The following TEAD3 variants were observed in gnomAD, a reference collection of about 807,000 sequenced individuals.
TEAD3 encodes the protein TEA domain transcription factor 3.
TEAD3 carries 15 observed loss-of-function variants against 55.6 expected under a neutral mutation model. That is an observed-to-expected ratio of 0.27 (90% CI 0.18 to 0.42). The LOEUF is 0.42. Ranked by LOEUF, TEAD3 falls within the 10% of genes least tolerant of loss-of-function variation. The probability of loss-of-function intolerance (pLI) is 1.00; values close to 1 mark genes in which losing one functional copy is unlikely to be tolerated. For synonymous variants in TEAD3, 210 were observed against 232.2 expected (o/e 0.90, Z 0.87); for missense variants, 407 against 576.8 (o/e 0.71, Z 3.01).
rs1228026207 is a variant in TEAD3 at position 35,475,508 on chromosome 6, G to A, written c.1042-20C>T. ...CTCAGTCTGCAGAGAATATGGAGAAGGCGTCACTCGGCCTGCCTGCTCCCA... is the reference window on the plus strand; with the variant it reads ...CTCAGTCTGCAGAGAATATGGAGAAAGCGTCACTCGGCCTGCCTGCTCCCA... On this transcript the variant is annotated intron_variant, in intron 11 of 12. Transcript: ENST00000639578. The surrounding 1 kb of genome is among the most constrained non-coding windows in gnomAD (Gnocchi z 5.4). 1.2e-6 allele frequency: 2 copies of A among 1,606,056 alleles called. No individual in the cohort carries two copies. The highest frequency in any genetic ancestry group is 3.3e-5 in the Admixed American group (2 of 59,796).
At position 35,493,337 on chromosome 6, in the gene TEAD3, C is replaced by T. The variant is rs1388841624; in HGVS notation, c.-50+3561G>A. On this transcript the variant is annotated intron_variant, in intron 1 of 12. Transcript: ENST00000639578. ...CACATAGATGCCACACGTCAGGGAC[C>T]ACAGGCCCCCAAAAGCATCCCACAG... is the stretch of plus-strand genomic sequence containing the variant. Among the ~76,000 whole-genome samples the T allele has an allele frequency of 3.3e-5, 5 of 151,794 alleles. No individual in the cohort carries two copies. The East Asian group carries it at 9.7e-4, about 29-fold the overall frequency.
At chr6:35,477,352 G>A (rs779541021) in exon 8 of TEAD3, 2 of 1,603,386 alleles carry the variant, frequency 1.2e-6, no homozygotes, top group Admixed American at 3.3e-5. Flanking sequence ...GGGGTAGGCT[G>A]GCTGTGCAAA....
At chr6:35,478,709 C>A in intron 5 of TEAD3, 138 bp from the exon 6 acceptor site, 1 of 1,170,958 alleles carries the variant, frequency 8.5e-7, no homozygotes, top group Non-Finnish European at 1.2e-6. Flanking sequence ...TGGATTCCAG[C>A]CCCAGCTCTG....
Position 35,484,542 on chromosome 6 carries a change from C to A in TEAD3, c.267+18G>T. On this transcript the variant is annotated intron_variant, in intron 3 of 12. Transcript: ENST00000639578. The surrounding 1 kb of genome is among the most constrained non-coding windows in gnomAD (Gnocchi z 5.8). ...CAGAGTGTGTGGGTGGCAGGCCCAG[C>A]ATAAACCGTCTCTCTACCTGTTTTC... is the stretch of plus-strand genomic sequence containing the variant. 6.3e-7 allele frequency: 1 copy of A among 1,593,772 alleles called. No individual in the cohort carries two copies. Among genetic ancestry groups the A allele is most frequent in the Non-Finnish European group, 8.5e-7 (1 of 1,169,952 alleles).
At chr6:35,474,920 C>T in exon 13 of TEAD3, 1 of 770,086 alleles carries the variant, frequency 1.3e-6, no homozygotes, top group Non-Finnish European at 2.1e-6. Flanking sequence ...GGGAGGCCTC[C>T]TGGGTCCTGG....
exon 9 of TEAD3, chr6:35,476,323 C>T: frequency 6.2e-7 from 1 of 1,612,346 alleles, no homozygotes; most frequent in Non-Finnish European, 8.5e-7. Flanking sequence ...CTCGCTGCAC[C>T]TCCATGAAGG....
rs1299708015 is a variant in TEAD3 at position 35,496,976 on chromosome 6, G to C, written c.-128C>G. The C allele has an allele frequency of 6.6e-6, 1 of 152,072 alleles. No individual in the cohort carries two copies. The highest frequency in any genetic ancestry group is 1.9e-4 in the East Asian group (1 of 5,178). 9.4% of individuals were successfully genotyped at this position (152,072 alleles called of 1,614,324 possible). ...GAGCCGCAAGGGGGGCCGGGGAAGG[G>C]GGGTCGTGGGGAGGGGGCTGGCCGG... On this transcript the variant is annotated 5_prime_UTR_variant, in exon 1 of 13. Transcript: ENST00000639578. This position sits in a 1 kb window ranked among gnomAD's most constrained non-coding sequence, Gnocchi z 4.8.
downstream of TEAD3, chr6:35,473,797 G>A (rs948050169): frequency 3.3e-5 from 5 of 152,330 alleles, no homozygotes; most frequent in African/African-American, 9.7e-5. Context: ...TGGCCTGAGC[G>A]ATATGCAAAC....
At chr6:35,493,754 C>T (rs551623235) in intron 1 of TEAD3, among the ~76,000 whole-genome samples, 17 of 152,364 alleles carry the variant, frequency 1.1e-4, no homozygotes, top group Middle Eastern at 3.4e-3. Flanking sequence ...GCCACTCATC[C>T]GGCTTCTCAC....
rs568870794 is a variant in TEAD3 at position 35,480,437 on chromosome 6, G to A, written c.268-315C>T. On this transcript the variant is annotated intron_variant, in intron 3 of 12. Transcript: ENST00000639578. ...TAGACAGTGAGGAGGCACAGCCATG[G>A]GGTGGCCGCGGGCAAGGAGCATCCC... The A allele has an allele frequency of 3.2e-6, 5 of 1,572,088 alleles. No homozygotes were observed. In the East Asian group the frequency reaches 1.1e-4, roughly 36 times the overall value.
rs1463138999 is a variant in TEAD3 at position 35,496,344 on chromosome 6, G to C, written c.-50+554C>G. 1.3e-5 allele frequency among the ~76,000 whole-genome samples: 2 copies of C among 152,172 alleles called. No individual in the cohort carries two copies. The highest frequency in any genetic ancestry group is 2.9e-5 in the Non-Finnish European group (2 of 68,018). ...CCTGCCTCTCAGGGGACACACGGCCGGGGCGCGCGGCTTTGGTCCCAGACA... is the reference window on the plus strand; with the variant it reads ...CCTGCCTCTCAGGGGACACACGGCCCGGGCGCGCGGCTTTGGTCCCAGACA... On this transcript the variant is annotated intron_variant, in intron 1 of 12. Transcript: ENST00000639578. The surrounding 1 kb of genome is among the most constrained non-coding windows in gnomAD (Gnocchi z 4.8).
rs529876765 is a variant in TEAD3 at position 35,491,047 on chromosome 6, T to C, written c.-49-4336A>G. On this transcript the variant is annotated intron_variant, in intron 1 of 12. Transcript: ENST00000639578. This position sits in a 1 kb window ranked among gnomAD's most constrained non-coding sequence, Gnocchi z 4.4. ...GACAGGAGGGGCAGGGGAGACAGGCTGGGGGAGAGTCTGGGGCAAAGAGAA... is the reference window on the plus strand; with the variant it reads ...GACAGGAGGGGCAGGGGAGACAGGCCGGGGGAGAGTCTGGGGCAAAGAGAA... Among the ~76,000 whole-genome samples, 1 of 145,356 alleles carries C rather than the reference T, an allele frequency of 6.9e-6. No homozygotes were observed. The highest frequency in any genetic ancestry group is 6.8e-5 in the Admixed American group (1 of 14,630).
At position 35,476,111 on chromosome 6, in the gene TEAD3, C is replaced by G. The variant is rs1203255634; in HGVS notation, c.727-19G>C. 6 of 1,535,836 alleles carry G rather than the reference C, an allele frequency of 3.9e-6. No homozygotes were observed. The highest frequency in any genetic ancestry group is 5.3e-6 in the Non-Finnish European group (6 of 1,140,338). ...TGCTGTACTGTGGGGAGGGCCCAGA[C>G]AGGGTCAGGAGAGTACTCAGGCTTG... is the stretch of plus-strand genomic sequence containing the variant. On this transcript the variant is annotated intron_variant, in intron 9 of 12. Transcript: ENST00000639578.
chr6:35,495,633 G>A (rs60375063), intron 1 of TEAD3, among the ~76,000 whole-genome samples: 7,075 of 152,180 alleles, frequency 0.046, 470 homozygotes, highest in African/African-American at 0.15. Context: ...GTCTTGGTGG[G>A]AGGGGGGCTA....
intron 1 of TEAD3, among the ~76,000 whole-genome samples, chr6:35,492,256 C>T (rs751802627): frequency 3.9e-5 from 6 of 152,128 alleles, no homozygotes; most frequent in Non-Finnish European, 7.4e-5. Context: ...GCTGACCAGC[C>T]GGGGGGGTCG....
intron 1 of TEAD3, among the ~76,000 whole-genome samples, chr6:35,493,396 G>C (rs1768573132): frequency 6.6e-6 from 1 of 151,990 alleles, no homozygotes; most frequent in Non-Finnish European, 1.5e-5. Context: ...CACAGCCCTG[G>C]GGGTGTCACC....
At chr6:35,476,058 G>A (rs35080860) in exon 10 of TEAD3, 38,632 of 1,540,744 alleles carry the variant, frequency 0.025, 1,285 homozygotes, top group African/African-American at 0.13. Context: ...GGCGGGGTTC[G>A]TCTGGCCGAT....
intron 8 of TEAD3, among the ~76,000 whole-genome samples, 168 bp downstream of exon 8, chr6:35,477,143 A>T (rs1768164603): frequency 1.3e-5 from 2 of 152,148 alleles, no homozygotes; most frequent in Non-Finnish European, 2.9e-5. Context: ...TGTGCCAGAG[A>T]TCTGGAAGCA....
At chr6:35,478,181 CTT>C in intron 7 of TEAD3, 92 bp downstream of exon 7, 1 of 1,487,352 alleles carries the variant, frequency 6.7e-7, no homozygotes, top group Non-Finnish European at 9.2e-7. Flanking sequence ...TGAATTAAAA[CTT>C]TGCTCAGCTG....
Sources: allele counts gnomAD v4.1 joint callset (sites outside exome capture counted in the v4.1 genomes callset), GRCh38; gene constraint gnomAD v4.1.1; non-coding constraint Gnocchi (gnomAD v3.1); transcripts MANE v1.5; gene names NCBI Gene and HGNC (gene_info 2026-07-23, HGNC 2026-07-21).